Variants in EHMT1 observed in about 807,000 individuals in gnomAD.
The protein encoded by EHMT1 is euchromatic histone lysine methyltransferase 1, also known as histone-lysine N-methyltransferase EHMT1.
Under a neutral mutation model 147.2 loss-of-function variants are expected in EHMT1, and 15 were observed. The observed-to-expected ratio is 0.10, with a 90% CI of 0.07 to 0.16. EHMT1 has a LOEUF of 0.16. Ranked by LOEUF, EHMT1 falls within the 10% of genes least tolerant of loss-of-function variation. The probability of loss-of-function intolerance (pLI) is 1.00; values close to 1 mark genes in which losing one functional copy is unlikely to be tolerated. For missense variants in EHMT1, 1,587 were observed against 1,772.4 expected (o/e 0.90, Z 1.88); for synonymous variants, 795 against 709.6 (o/e 1.12, Z -1.91).
intron 1 of EHMT1, chr9:137,641,367 T>A: frequency 3.9e-6 from 2 of 510,268 alleles, no homozygotes; most frequent in Non-Finnish European, 7.8e-6. Context: ...AGGATTTTCG[T>A]CAAAATAAAA....
At chr9:137,743,659 T>C in intron 5 of EHMT1, 131 bp downstream of exon 5, 1 of 1,372,312 alleles carries the variant, frequency 7.3e-7, no homozygotes, top group South Asian at 1.2e-5. Context: ...TCCTCTGCCA[T>C]AGGGGCAGAG....
At chr9:137,816,807 G>A (rs1478399121) in intron 23 of EHMT1, 1 of 171,598 alleles carries the variant, frequency 5.8e-6, no homozygotes, top group African/African-American at 2.4e-5. Context: ...AAGGCCTGGT[G>A]GTGAGGACCC....
chr9:137,663,792 C>T (rs1044278787), intron 1 of EHMT1, among the ~76,000 whole-genome samples: 1 of 152,152 alleles, frequency 6.6e-6, no homozygotes, highest in Non-Finnish European at 1.5e-5. Flanking sequence ...AACTAGCCTT[C>T]TGTGGGCGGG....
At chr9:137,769,159 G>A (rs1950436992) in intron 10 of EHMT1, among the ~76,000 whole-genome samples, 1 of 152,142 alleles carries the variant, frequency 6.6e-6, no homozygotes, top group African/African-American at 2.4e-5. Flanking sequence ...ATAACATACA[G>A]TGTAAGAATC....
At chr9:137,795,427 A>ACACACT (rs1281685652) in intron 16 of EHMT1, among the ~76,000 whole-genome samples, 4 of 12,144 alleles carry the variant, frequency 3.3e-4, no homozygotes, top group Admixed American at 9.4e-4. Context: ...ACACACACAC[A>ACACACT]CTCTCACACT....
intron 16 of EHMT1, among the ~76,000 whole-genome samples, chr9:137,796,471 G>A (rs1023167376): frequency 1.3e-5 from 2 of 152,122 alleles, no homozygotes; most frequent in South Asian, 2.1e-4. Flanking sequence ...TTGGGAGGCT[G>A]AGGCGGGTGG....
intron 1 of EHMT1, among the ~76,000 whole-genome samples, chr9:137,692,387 C>G (rs1943015126): frequency 6.6e-6 from 1 of 151,696 alleles, no homozygotes; most frequent in Non-Finnish European, 1.5e-5. Flanking sequence ...GCCTCAGCCT[C>G]CCAAGTAGCT....
chr9:137,711,656 G>A lies in EHMT1; in HGVS notation c.85+626G>A, dbSNP rs113064462. 9.2e-5 allele frequency among the ~76,000 whole-genome samples: 14 copies of A among 152,264 alleles called. No homozygotes were observed. In the East Asian group the frequency reaches 9.6e-4, roughly 10 times the overall value. Reference sequence around the variant, plus strand: ...GGGAGTTGGGGCGAGGGGAGTCGGCGGGGCTGCACCCCTCTGTAAGGCGTG... The same window carrying A: ...GGGAGTTGGGGCGAGGGGAGTCGGCAGGGCTGCACCCCTCTGTAAGGCGTG... On this transcript the variant is annotated intron_variant, in intron 2 of 26. Coordinates refer to ENST00000460843, the MANE Select transcript of EHMT1 (RefSeq NM_024757.5).
intron 6 of EHMT1, chr9:137,748,039 T>C (rs1341587626): frequency 6.6e-6 from 1 of 152,224 alleles, no homozygotes; most frequent in East Asian, 1.9e-4. Context: ...ATTTATATTA[T>C]TAGTTAATTT....
intron 25 of EHMT1, among the ~76,000 whole-genome samples, chr9:137,831,626 CT>C (rs1346750248): frequency 6.6e-6 from 1 of 152,244 alleles, no homozygotes; most frequent in Non-Finnish European, 1.5e-5. Context: ...TGAAATCTTT[CT>C]TTGTTCTTCA....
intron 8 of EHMT1, among the ~76,000 whole-genome samples, chr9:137,756,199 T>C (rs929159536): frequency 1.3e-5 from 2 of 152,224 alleles, no homozygotes; most frequent in African/African-American, 4.8e-5. Flanking sequence ...CGGTTCATTT[T>C]GCACTGATGT....
At chr9:137,625,065 A>T (rs998637630) in intron 1 of EHMT1, among the ~76,000 whole-genome samples, 1 of 151,124 alleles carries the variant, frequency 6.6e-6, no homozygotes, top group Admixed American at 6.6e-5. Context: ...TATTTTCGGT[A>T]GAGATGGGGT....
intron 25 of EHMT1, among the ~76,000 whole-genome samples, chr9:137,821,817 T>G (rs1050653980): frequency 2.0e-5 from 3 of 152,186 alleles, no homozygotes; most frequent in Non-Finnish European, 4.4e-5. Context: ...TATCTCTTCA[T>G]TTGTTAGATC....
At chr9:137,780,448 G>A (rs1360895709) in intron 14 of EHMT1, among the ~76,000 whole-genome samples, 2 of 126,842 alleles carry the variant, frequency 1.6e-5, no homozygotes, top group East Asian at 2.5e-4. Context: ...TGGTGATGAC[G>A]GCATCACTGA....
intron 22 of EHMT1, 123 bp from the exon 23 acceptor site, chr9:137,815,824 C>T: frequency 1.2e-6 from 1 of 860,776 alleles, no homozygotes; most frequent in Non-Finnish European, 1.9e-6. Context: ...TCAAGTTTGG[C>T]CAGAAACCAT....
chr9:137,645,242 T>C (rs1844802993), intron 1 of EHMT1, among the ~76,000 whole-genome samples: 2 of 152,272 alleles, frequency 1.3e-5, no homozygotes, highest in Admixed American at 6.5e-5. Flanking sequence ...GATAGATTGT[T>C]GTGTAACCTG....
chr9:137,779,708 C>T lies in EHMT1; in HGVS notation c.2266C>T (p.Leu756Phe). 1.2e-6 allele frequency: 2 copies of T among 1,613,662 alleles called. No individual in the cohort carries two copies. The highest frequency in any genetic ancestry group is 8.5e-7 in the Non-Finnish European group (1 of 1,180,040). ...GCAAGGGGAGCTTCAGAAGGTGCTC[C>T]TCATGCTGGGTAAGTGCCTTCCTGC... is the stretch of plus-strand genomic sequence containing the variant. ...ARQGELQKVLLMLVDGIDPNF... is the reference protein window; with the variant it reads ...ARQGELQKVLFMLVDGIDPNF... The change falls in exon 14 of 27, where the codon CTC becomes TTC. Residue 756 changes from leucine to phenylalanine, a missense_variant. By Grantham distance (22) the Leu-to-Phe change is conservative. Around this residue, in one of 7 missense-constraint regions of EHMT1, gnomAD observed 201 missense variants for 350.1 expected, o/e 0.57. Transcript: ENST00000460843.
chr9:137,665,884 G>T (rs1282251028), intron 1 of EHMT1: 1 of 152,230 alleles, frequency 6.6e-6, no homozygotes, highest in African/African-American at 2.4e-5. Context: ...TGCCGCTGGG[G>T]CAGCCTCCAT....
Position 137,807,295 on chromosome 9 carries a change from C to A in EHMT1, c.2713-4166C>A, listed in dbSNP as rs183769119. ...GAGCAGGTTTTTGTTGGTTTGTCTT[C>A]TAGTCCACTCATCTTTTCTTCTGCA... On this transcript the variant is annotated intron_variant, in intron 18 of 26. Coordinates refer to ENST00000460843, the MANE Select transcript of EHMT1 (RefSeq NM_024757.5). 1.1e-3 allele frequency among the ~76,000 whole-genome samples: 161 copies of A among 152,142 alleles called. 1 individual carries two copies. Among genetic ancestry groups the A allele is most frequent in the African/African-American group, 3.7e-3 (154 of 41,504 alleles).
Sources: gnomAD v4.1 joint callset for allele counts (sites outside exome capture counted in the v4.1 genomes callset) on GRCh38, gnomAD v4.1.1 for gene constraint, gnomAD v4.1.1 regional missense constraint, MANE v1.5 for transcripts, NCBI Gene and HGNC (gene_info 2026-07-23, HGNC 2026-07-21) for gene names.